The following MAML3 variants were observed in gnomAD, a reference collection of about 807,000 sequenced individuals.
The protein encoded by MAML3 is mastermind like transcriptional coactivator 3.
Under a neutral mutation model 101.9 loss-of-function variants are expected in MAML3, and 27 were observed. That is an observed-to-expected ratio of 0.27 (90% CI 0.20 to 0.37). MAML3 has a LOEUF of 0.37. MAML3 is among the 10% of genes least tolerant of loss of function. MAML3 has a pLI of 1.00. For missense variants in MAML3, 1,316 were observed against 1,444.9 expected (o/e 0.91, Z 1.45); for synonymous variants, 501 against 555.9 (o/e 0.90, Z 1.39).
chr4:139,935,133 A>T (rs1204662946), intron 1 of MAML3, among the ~76,000 whole-genome samples: 1 of 151,394 alleles, frequency 6.6e-6, no homozygotes. Context: ...CTTCCTCAGC[A>T]AGGCACAGAA....
chr4:139,881,386 T>G (rs1732216140), intron 2 of MAML3, among the ~76,000 whole-genome samples: 2 of 152,104 alleles, frequency 1.3e-5, no homozygotes, highest in African/African-American at 4.8e-5. Context: ...CTACCCTTAT[T>G]CAGCTCCAGA....
At chr4:140,104,624 C>G (rs1450827228) in intron 1 of MAML3, among the ~76,000 whole-genome samples, 2 of 149,558 alleles carry the variant, frequency 1.3e-5, no homozygotes, top group African/African-American at 2.5e-5. Context: ...TCACGAGAAG[C>G]TGGTATTACA....
chr4:139,763,037 C>T (rs557708402), intron 2 of MAML3, among the ~76,000 whole-genome samples: 85 of 152,248 alleles, frequency 5.6e-4, no homozygotes, highest in Admixed American at 7.2e-4. Context: ...TAAAGGGAAA[C>T]TGACCAGTGG....
intron 2 of MAML3, among the ~76,000 whole-genome samples, chr4:139,777,208 T>G (rs1186387246): frequency 6.6e-6 from 1 of 152,210 alleles, no homozygotes; most frequent in Non-Finnish European, 1.5e-5. Flanking sequence ...AAATATAGGC[T>G]GACTAACATG....
intron 1 of MAML3, among the ~76,000 whole-genome samples, chr4:139,943,864 C>CTTATTTTTTTTTTTTTTTTTT (rs1733652742): frequency 1.5e-5 from 1 of 65,824 alleles, no homozygotes; most frequent in African/African-American, 5.9e-5. Context: ...CTAAAGACAA[C>CTTATTTTTTTTTTTTTTTTTT]TTTTTTTTTT....
At chr4:139,883,889 C>CTTTTTTTTTTTTT (rs70943452) in intron 2 of MAML3, among the ~76,000 whole-genome samples, 1 of 74,322 alleles carries the variant, frequency 1.3e-5, no homozygotes, top group African/African-American at 5.3e-5. Context: ...AATTGCTTGT[C>CTTTTTTTTTTTTT]TTTTTTTTTT....
chr4:140,119,361 TAGAC>T (rs1392234563), intron 1 of MAML3, among the ~76,000 whole-genome samples: 7 of 152,192 alleles, frequency 4.6e-5, no homozygotes, highest in Non-Finnish European at 1.0e-4. Context: ...AGTCTTACAT[TAGAC>T]AGAAATCAAC....
intron 1 of MAML3, among the ~76,000 whole-genome samples, chr4:140,069,443 GGAGGAGA>G: frequency 1.4e-4 from 17 of 121,328 alleles, no homozygotes; most frequent in South Asian, 3.1e-4. Flanking sequence ...AGGAGGAGAA[GGAGGAGA>G]AGGAGGAGAA....
intron 1 of MAML3, among the ~76,000 whole-genome samples, chr4:139,984,217 T>C (rs1356847985): frequency 6.6e-6 from 1 of 151,968 alleles, no homozygotes; most frequent in Non-Finnish European, 1.5e-5. Context: ...GCGTTGAGAA[T>C]AGATGGTTCG....
chr4:139,865,041 A>T (rs1043416432), intron 2 of MAML3, among the ~76,000 whole-genome samples: 18 of 150,832 alleles, frequency 1.2e-4, no homozygotes, highest in Admixed American at 1.1e-3. Flanking sequence ...AATGGAGACA[A>T]ATTATAATGT....
At chr4:139,730,243 C>T (rs1728644656) in intron 3 of MAML3, 173 bp downstream of exon 3, 6 of 637,608 alleles carry the variant, frequency 9.4e-6, no homozygotes, top group South Asian at 3.9e-5. Flanking sequence ...ATAGGAAAAA[C>T]CCTAACTAAT....
chr4:140,107,504 A>G (rs1210213581), intron 1 of MAML3, among the ~76,000 whole-genome samples: 3 of 142,944 alleles, frequency 2.1e-5, no homozygotes, highest in Non-Finnish European at 4.6e-5. Context: ...GATGAAAAAA[A>G]TGCTTTTTTT....
intron 2 of MAML3, among the ~76,000 whole-genome samples, chr4:139,771,586 GAGTTCACT>G (rs1729981309): frequency 6.6e-6 from 1 of 152,204 alleles, no homozygotes. Flanking sequence ...ATAAAGGGCA[GAGTTCACT>G]AGTTTATACA....
chr4:140,064,317 A>G (rs2110942869), intron 1 of MAML3, among the ~76,000 whole-genome samples: 2 of 152,364 alleles, frequency 1.3e-5, no homozygotes, highest in Middle Eastern at 6.8e-3. Context: ...CAATTATTTC[A>G]TAAGCAAGGT....
chr4:139,978,619 A>G (rs902409743), intron 1 of MAML3, among the ~76,000 whole-genome samples: 7 of 150,836 alleles, frequency 4.6e-5, no homozygotes, highest in Admixed American at 1.3e-4. Flanking sequence ...ATCAAAAAAA[A>G]AGAGAGAGAG....
At chr4:139,768,222 TTGTGTGTGTG>T (rs34182828) in intron 2 of MAML3, among the ~76,000 whole-genome samples, 246 of 136,432 alleles carry the variant, frequency 1.8e-3, no homozygotes, top group African/African-American at 4.5e-3. Flanking sequence ...CTGTTGATAG[TTGTGTGTGTG>T]TGTGTGTGTG....
intron 1 of MAML3, among the ~76,000 whole-genome samples, chr4:140,111,972 T>C (rs1728445892): frequency 1.3e-5 from 2 of 152,236 alleles, no homozygotes; most frequent in Non-Finnish European, 2.9e-5. Flanking sequence ...CTTTATAGAC[T>C]GACCCTTGGT....
At chr4:139,765,013 C>T (rs1218129957) in intron 2 of MAML3, among the ~76,000 whole-genome samples, 2 of 152,248 alleles carry the variant, frequency 1.3e-5, no homozygotes, top group African/African-American at 4.8e-5. Context: ...GAAGTTATCA[C>T]CAGTGCCTAC....
At chr4:139,832,235 G>C (rs1731180395) in intron 2 of MAML3, among the ~76,000 whole-genome samples, 1 of 150,378 alleles carries the variant, frequency 6.6e-6, no homozygotes, top group Non-Finnish European at 1.5e-5. Context: ...CTGCCAAGTA[G>C]CTAAGATTAC....
Sources: gnomAD v4.1 joint callset for allele counts (sites outside exome capture counted in the v4.1 genomes callset) on GRCh38, gnomAD v4.1.1 for gene constraint, MANE v1.5 for transcripts, NCBI Gene and HGNC (gene_info 2026-07-23, HGNC 2026-07-21) for gene names.